ADRA1B: variants seen among roughly 807,000 people sequenced by gnomAD.
ADRA1B encodes adrenoceptor alpha 1B.
Under a neutral mutation model 17.9 loss-of-function variants are expected in ADRA1B, and 17 were observed. The ratio of observed to expected loss-of-function variants is 0.95; its 90% confidence interval spans 0.65 to 1.42. The LOEUF (loss-of-function observed/expected upper bound fraction) is 1.42, where lower values mean the gene tolerates loss of function less well. Among genes scored for constraint, ADRA1B ranks in the 40% most tolerant of loss-of-function variants. ADRA1B has a pLI of 0.00. For missense variants in ADRA1B, 681 were observed against 722.1 expected (o/e 0.94, Z 0.65); for synonymous variants, 366 against 327.6 (o/e 1.12, Z -1.27).
At chr5:159,940,058 T>C (rs1755082771) in intron 1 of ADRA1B, among the ~76,000 whole-genome samples, 1 of 152,180 alleles carries the variant, frequency 6.6e-6, no homozygotes, top group African/African-American at 2.4e-5. Flanking sequence ...AGTAAGTGAA[T>C]GAAATCTGAT....
intron 1 of ADRA1B, among the ~76,000 whole-genome samples, chr5:159,883,075 C>A (rs10052722): frequency 0.024 from 3,648 of 152,276 alleles, 145 homozygotes; most frequent in African/African-American, 0.082. Context: ...GCTTTCCAAG[C>A]CACCATGTTT....
intron 1 of ADRA1B, among the ~76,000 whole-genome samples, chr5:159,905,055 C>T (rs1754145260): frequency 6.6e-6 from 1 of 152,186 alleles, no homozygotes; most frequent in South Asian, 2.1e-4. Flanking sequence ...GAACCTATCT[C>T]TTTGAAGAGT....
At chr5:159,919,379 G>A (rs1754415468) in intron 1 of ADRA1B, among the ~76,000 whole-genome samples, 1 of 152,188 alleles carries the variant, frequency 6.6e-6, no homozygotes, top group Non-Finnish European at 1.5e-5. Context: ...AAAGATCATG[G>A]TTGTACATGG....
At position 159,878,355 on chromosome 5, in the gene ADRA1B, G is replaced by A. The variant is rs944595435; in HGVS notation, c.-256+13149G>A. Among the ~76,000 whole-genome samples, 9 of 152,336 alleles carry A rather than the reference G, an allele frequency of 5.9e-5. No individual in the cohort carries two copies. The East Asian group carries it at 1.7e-3, about 29-fold the overall frequency. On this transcript the variant is annotated intron_variant, in intron 1 of 2. Coordinates refer to the ADRA1B transcript ENST00000641205. ...TGCCCCAGATGGGAACAAAGCTCCA[G>A]GAACACACTTGAGCCAACTGAGAAG...
chr5:159,902,700 T>C (rs553827239), intron 1 of ADRA1B, among the ~76,000 whole-genome samples: 4 of 152,320 alleles, frequency 2.6e-5, no homozygotes, highest in East Asian at 1.9e-4. Flanking sequence ...TCTGACATGA[T>C]GCCTGGCACA....
intron 1 of ADRA1B, among the ~76,000 whole-genome samples, 161 bp downstream of exon 1, chr5:159,918,015 G>A (rs1266458964): frequency 6.6e-6 from 1 of 152,072 alleles, no homozygotes; most frequent in Non-Finnish European, 1.5e-5. Context: ...TGCAGATTGG[G>A]GAGCTGGCTA....
In ADRA1B at chr5:159,917,793, G is replaced by C; in HGVS notation, c.888G>C (p.Leu296Phe). 6.2e-7 allele frequency: 1 copy of C among 1,613,650 alleles called. No homozygotes were observed. Among genetic ancestry groups the C allele is most frequent in the Non-Finnish European group, 8.5e-7 (1 of 1,179,968 alleles). ...FSREKKAAKT[L>F]GIVVGMFILC... is the part of the protein sequence containing the mutation. Reference sequence around the variant, plus strand: ...GGGAAAAGAAAGCAGCTAAGACGTTGGGCATTGTGGTCGGTATGTTCATCT... The same window carrying C: ...GGGAAAAGAAAGCAGCTAAGACGTTCGGCATTGTGGTCGGTATGTTCATCT... The change falls in exon 1 of 2, where the codon TTG becomes TTC. Residue 296 changes from leucine to phenylalanine, a missense_variant. Leu to Phe is a conservative substitution (Grantham distance 22, BLOSUM62 0). This residue lies in a region of ADRA1B where 424 missense variants were observed against 480.2 expected (regional missense o/e 0.88). Transcript: ENST00000306675.
intron 1 of ADRA1B, among the ~76,000 whole-genome samples, chr5:159,946,647 G>A (rs1288387971): frequency 1.3e-5 from 2 of 152,142 alleles, no homozygotes; most frequent in African/African-American, 2.4e-5. Flanking sequence ...GATACCACCA[G>A]CCACGATGAT....
chr5:159,960,899 C>G (rs961510364), intron 1 of ADRA1B, among the ~76,000 whole-genome samples: 1 of 152,174 alleles, frequency 6.6e-6, no homozygotes, highest in African/African-American at 2.4e-5. Flanking sequence ...ACGTGTCAGG[C>G]ACTGTGCTAG....
At chr5:159,964,887 A>G (rs189423031) in intron 1 of ADRA1B, among the ~76,000 whole-genome samples, 9 of 152,264 alleles carry the variant, frequency 5.9e-5, no homozygotes, top group Admixed American at 4.6e-4. Context: ...TCATAGCTAT[A>G]CTTATTGAGT....
At chr5:159,923,128 A>T (rs1754535569) in intron 1 of ADRA1B, among the ~76,000 whole-genome samples, 1 of 152,260 alleles carries the variant, frequency 6.6e-6, no homozygotes, top group African/African-American at 2.4e-5. Context: ...GAACTAACAG[A>T]GCCCAGAGAA....
At chr5:159,915,878 T>C (rs1405969980), upstream of ADRA1B, among the ~76,000 whole-genome samples, 2 of 152,216 alleles carry the variant, frequency 1.3e-5, no homozygotes, top group African/African-American at 4.8e-5. Context: ...CCGTCTATTT[T>C]GTTCAGTTGC....
In ADRA1B at chr5:159,972,323, G is replaced by A; in HGVS notation, c.1394G>A (p.Arg465His). The change falls in exon 2 of 2, where the codon CGC becomes CAC. Residue 465 changes from arginine (R) to histidine (H), a missense_variant. Around this residue, in one of 3 missense-constraint regions of ADRA1B, gnomAD observed 251 missense variants for 224.9 expected, o/e 1.12. Coordinates refer to ENST00000306675, the MANE Select transcript of ADRA1B (RefSeq NM_000679.4). Reference protein sequence around the residue: ...SLPAPEPPGRRGRHDSGPLFT... With the variant: ...SLPAPEPPGRHGRHDSGPLFT... ...CCCGCGCCTGAGCCCCCCGGCCGCC[G>A]CGGCCGCCACGACTCGGGCCCGCTC... The A allele has an allele frequency of 7.0e-7, 1 of 1,435,908 alleles. No individual in the cohort carries two copies. The highest frequency in any genetic ancestry group is 9.1e-7 in the Non-Finnish European group (1 of 1,099,810). 88.9% of individuals were successfully genotyped at this position (1,435,908 alleles called of 1,614,324 possible).
intron 1 of ADRA1B, chr5:159,948,062 CT>C: frequency 1.0e-6 from 1 of 985,440 alleles, no homozygotes. Context: ...AGAGATTAAA[CT>C]TGGAATCCTG....
Position 159,917,400 on chromosome 5 carries a change from G to T in ADRA1B, c.495G>T (p.Ala165=). 6 of 1,614,148 alleles carry T rather than the reference G, an allele frequency of 3.7e-6. No homozygotes were observed. Among genetic ancestry groups the T allele is most frequent in the Middle Eastern group, 1.6e-4 (1 of 6,062 alleles). The change falls in exon 1 of 2, where the codon GCG becomes GCT. Residue 165 remains alanine, a synonymous_variant. Coordinates refer to ENST00000306675, the MANE Select transcript of ADRA1B (RefSeq NM_000679.4). ...TCACCCGGAGGAAGGCCATCTTGGCGCTGCTCAGTGTCTGGGTCTTGTCCA... is the reference window on the plus strand; with the variant it reads ...TCACCCGGAGGAAGGCCATCTTGGCTCTGCTCAGTGTCTGGGTCTTGTCCA... The part of the protein sequence containing the change: ...TLVTRRKAIL[A]LLSVWVLSTV...
intron 1 of ADRA1B, among the ~76,000 whole-genome samples, chr5:159,944,293 G>A (rs192794061): frequency 1.7e-4 from 26 of 152,258 alleles, no homozygotes; most frequent in African/African-American, 5.8e-4. Flanking sequence ...CCAGAGTGTC[G>A]TGCTCCTGTG....
At chr5:159,982,641 A>C in the ADRA1B span, among the ~76,000 whole-genome samples, 1 of 151,748 alleles carries the variant, frequency 6.6e-6, no homozygotes, top group East Asian at 1.9e-4. Flanking sequence ...CCCAGCCTGG[A>C]CAATCCTCCT....
intron 1 of ADRA1B, among the ~76,000 whole-genome samples, chr5:159,894,203 C>A (rs943854445): frequency 6.6e-6 from 1 of 152,254 alleles, no homozygotes. Context: ...TGTGCCAGTT[C>A]TGGTCTAGGC....
At chr5:159,933,437 G>A (rs541805075) in intron 1 of ADRA1B, among the ~76,000 whole-genome samples, 7 of 152,360 alleles carry the variant, frequency 4.6e-5, no homozygotes, top group African/African-American at 1.7e-4. Flanking sequence ...CACAAAGTCT[G>A]TTTCAACATT....
Sources: gnomAD v4.1 joint callset for allele counts (sites outside exome capture counted in the v4.1 genomes callset) on GRCh38, gnomAD v4.1.1 for gene constraint, gnomAD v4.1.1 regional missense constraint, MANE v1.5 for transcripts, NCBI Gene and HGNC (gene_info 2026-07-23, HGNC 2026-07-21) for gene names.